Variants in KCNIP4 observed in about 807,000 individuals in gnomAD.
KCNIP4 encodes Kv channel-interacting protein 4.
KCNIP4 carries 12 observed loss-of-function variants against 34.0 expected under a neutral mutation model. That is an observed-to-expected ratio of 0.35 (90% CI 0.23 to 0.57). The LOEUF is 0.57. Ranked by LOEUF, KCNIP4 falls within the 20% of genes least tolerant of loss-of-function variation. KCNIP4 has a pLI of 0.83. For missense variants in KCNIP4, 238 were observed against 311.7 expected (o/e 0.76, Z 1.78); for synonymous variants, 124 against 102.2 (o/e 1.21, Z -1.29).
intron 1 of KCNIP4, among the ~76,000 whole-genome samples, chr4:21,806,161 T>A (rs2109261287): frequency 6.6e-6 from 1 of 152,344 alleles, no homozygotes; most frequent in South Asian, 2.1e-4. Flanking sequence ...CAAACGAAGC[T>A]GCATTAGAGG....
intron 2 of KCNIP4, among the ~76,000 whole-genome samples, chr4:20,864,021 T>TATAC (rs1722496443): frequency 7.5e-6 from 1 of 133,084 alleles, no homozygotes; most frequent in Non-Finnish European, 1.6e-5. Flanking sequence ...TGTGTGTATG[T>TATAC]ATACATACAT....
At chr4:21,086,464 C>T (rs924511411) in intron 1 of KCNIP4, among the ~76,000 whole-genome samples, 2 of 152,070 alleles carry the variant, frequency 1.3e-5, no homozygotes, top group African/African-American at 4.8e-5. Context: ...GTAATTGCTC[C>T]AACAGTAAAG....
intron 1 of KCNIP4, among the ~76,000 whole-genome samples, chr4:21,119,114 C>T (rs1749926893): frequency 6.6e-6 from 1 of 152,028 alleles, no homozygotes; most frequent in African/African-American, 2.4e-5. Context: ...CTCAGTGGTG[C>T]TAATTTGGGT....
At chr4:21,877,160 C>G (rs942556158) in intron 1 of KCNIP4, among the ~76,000 whole-genome samples, 1 of 152,100 alleles carries the variant, frequency 6.6e-6, no homozygotes, top group Non-Finnish European at 1.5e-5. Flanking sequence ...CAAGAACAGC[C>G]TGACCAACAT....
At chr4:21,504,044 G>A (rs1369101339) in intron 1 of KCNIP4, among the ~76,000 whole-genome samples, 1 of 152,078 alleles carries the variant, frequency 6.6e-6, no homozygotes, top group East Asian at 1.9e-4. Flanking sequence ...CCAATTCCAA[G>A]CACTCTCATT....
intron 1 of KCNIP4, among the ~76,000 whole-genome samples, chr4:21,454,845 C>T (rs1410739359): frequency 6.6e-6 from 1 of 152,046 alleles, no homozygotes; most frequent in African/African-American, 2.4e-5. Flanking sequence ...ATAGTTTAAG[C>T]TTTAAAATGC....
intron 1 of KCNIP4, among the ~76,000 whole-genome samples, chr4:21,053,062 T>A (rs1743069179): frequency 6.6e-6 from 1 of 151,322 alleles, no homozygotes; most frequent in Admixed American, 6.6e-5. Context: ...TAAATAAAAA[T>A]CTGAGAGAGA....
chr4:21,924,104 T>C (rs952966417), intron 1 of KCNIP4, among the ~76,000 whole-genome samples: 2 of 152,098 alleles, frequency 1.3e-5, no homozygotes, highest in Non-Finnish European at 2.9e-5. Flanking sequence ...TCCAGAAAAT[T>C]AGTAGATACA....
At chr4:21,474,842 A>T (rs78600134) in intron 1 of KCNIP4, among the ~76,000 whole-genome samples, 9 of 106,384 alleles carry the variant, frequency 8.5e-5, no homozygotes, top group Admixed American at 1.7e-4. Flanking sequence ...TAAAAATAAT[A>T]AAAAAAAAAT....
At chr4:20,966,391 T>G (rs921081714) in intron 1 of KCNIP4, among the ~76,000 whole-genome samples, 3 of 152,220 alleles carry the variant, frequency 2.0e-5, no homozygotes, top group African/African-American at 7.2e-5. Flanking sequence ...TGATTCTAAA[T>G]GTACTATCCT....
chr4:21,018,517 T>C (rs543757192), intron 1 of KCNIP4, among the ~76,000 whole-genome samples: 5 of 152,222 alleles, frequency 3.3e-5, no homozygotes, highest in African/African-American at 1.2e-4. Context: ...CTGTAGAGGA[T>C]GCGATGGAAG....
intron 1 of KCNIP4, among the ~76,000 whole-genome samples, chr4:20,975,185 G>A (rs1272124420): frequency 6.6e-6 from 1 of 152,090 alleles, no homozygotes; most frequent in Non-Finnish European, 1.5e-5. Flanking sequence ...ACTACTTATA[G>A]ATCTTTTATT....
intron 1 of KCNIP4, among the ~76,000 whole-genome samples, chr4:21,255,088 C>T (rs1310479784): frequency 6.6e-6 from 1 of 152,056 alleles, no homozygotes; most frequent in African/African-American, 2.4e-5. Flanking sequence ...CTCCTCTACC[C>T]CCACCCTGGC....
chr4:21,509,053 C>T (rs1331076563), intron 1 of KCNIP4, among the ~76,000 whole-genome samples: 2 of 152,028 alleles, frequency 1.3e-5, no homozygotes, highest in Admixed American at 6.6e-5. Flanking sequence ...TCATAGGTCA[C>T]TATTCATGGA....
chr4:21,072,545 G>C (rs1278879979), intron 1 of KCNIP4, among the ~76,000 whole-genome samples: 1 of 151,668 alleles, frequency 6.6e-6, no homozygotes, highest in African/African-American at 2.4e-5. Flanking sequence ...CTGGATATTA[G>C]TCCTTTGTCA....
At position 21,289,379 on chromosome 4, in the gene KCNIP4, C is replaced by T. The variant is rs539919888; in HGVS notation, c.62-406670G>A. Among the ~76,000 whole-genome samples, 21 of 152,208 alleles carry T rather than the reference C, an allele frequency of 1.4e-4. No individual in the cohort carries two copies. In the South Asian group the frequency reaches 4.1e-3, roughly 30 times the overall value. On this transcript the variant is annotated intron_variant, in intron 1 of 8. Coordinates refer to ENST00000382152, the MANE Select transcript of KCNIP4 (RefSeq NM_025221.6). Reference sequence around the variant, plus strand: ...AGTCATCCTCTTGTGCTATCAAACACTAGATTTTATTTATTCCATCTAACC... The same window carrying T: ...AGTCATCCTCTTGTGCTATCAAACATTAGATTTTATTTATTCCATCTAACC...
At chr4:20,961,383 G>A (rs2149660231) in intron 1 of KCNIP4, among the ~76,000 whole-genome samples, 1 of 152,228 alleles carries the variant, frequency 6.6e-6, no homozygotes, top group Admixed American at 6.6e-5. Flanking sequence ...AAAAAGGCCT[G>A]ATTTCTGAGA....
chr4:21,229,556 TATC>T (rs766042382), intron 1 of KCNIP4, among the ~76,000 whole-genome samples: 25 of 152,154 alleles, frequency 1.6e-4, no homozygotes, highest in Non-Finnish European at 1.5e-4. Flanking sequence ...TATAAGAACT[TATC>T]ATCTATTGGG....
In KCNIP4 at chr4:20,808,007, C is replaced by T. The variant is rs550851224; in HGVS notation, c.288+42536G>A. 9.2e-5 allele frequency among the ~76,000 whole-genome samples: 14 copies of T among 152,228 alleles called. 1 individual carries two copies. In the South Asian group the frequency reaches 2.3e-3, roughly 25 times the overall value. ...ATGTAGTGAAGGCAGTTTTAGAGAA[C>T]TTGAGAGTATGGGTCAGAGATTTTC... On this transcript the variant is annotated intron_variant, in intron 3 of 8. Transcript: ENST00000382152.
Sources: allele counts gnomAD v4.1 joint callset (sites outside exome capture counted in the v4.1 genomes callset), GRCh38; gene constraint gnomAD v4.1.1; transcripts MANE v1.5; gene names NCBI Gene and HGNC (gene_info 2026-07-23, HGNC 2026-07-21).